MDFIC2: variants seen among roughly 807,000 people sequenced by gnomAD.
MDFIC2 encodes the protein MyoD family inhibitor domain containing 2.
At chr3:70,237,277 A>G (rs1371645194) in intron 2 of MDFIC2, among the ~76,000 whole-genome samples, 2 of 152,230 alleles carry the variant, frequency 1.3e-5, no homozygotes. Context: ...CATATTCTCC[A>G]GTGCGGATAC....
chr3:70,281,568 AAAAC>A lies in MDFIC2; in HGVS notation c.88+30314_88+30317del, dbSNP rs1296353306. Among the ~76,000 whole-genome samples, 4 of 152,162 alleles carry A rather than the reference AAAAC, an allele frequency of 2.6e-5. No homozygotes were observed. In the East Asian group the frequency reaches 5.8e-4, roughly 22 times the overall value. ...AGTGTCTAGCACAGGGTAAAAGCTCAAAACAAACAAACAAATTGCTCTAGTTATG... is the reference window on the plus strand; with the variant it reads ...AGTGTCTAGCACAGGGTAAAAGCTCAAAACAAACAAATTGCTCTAGTTATG... On this transcript the variant is annotated intron_variant, in intron 2 of 3. Coordinates refer to ENST00000567252, the MANE Select transcript of MDFIC2 (RefSeq NM_001364677.1).
chr3:70,217,128 A>G (rs1239011610), intron 2 of MDFIC2, among the ~76,000 whole-genome samples: 1 of 152,098 alleles, frequency 6.6e-6, no homozygotes, highest in Non-Finnish European at 1.5e-5. Context: ...AATGCTGCCT[A>G]ATGAAAGTTT....
chr3:70,210,591 A>G (rs1341552719), intron 2 of MDFIC2, among the ~76,000 whole-genome samples: 1 of 152,146 alleles, frequency 6.6e-6, no homozygotes, highest in African/African-American at 2.4e-5. Context: ...CATAAGCTCA[A>G]AGTAGAAACA....
At chr3:70,261,014 T>G (rs1701860617) in intron 2 of MDFIC2, among the ~76,000 whole-genome samples, 1 of 152,160 alleles carries the variant, frequency 6.6e-6, no homozygotes. Context: ...AAAATTCCGC[T>G]TGACATGAAA....
intron 2 of MDFIC2, among the ~76,000 whole-genome samples, chr3:70,232,270 C>T (rs1701566588): frequency 6.6e-6 from 1 of 152,202 alleles, no homozygotes; most frequent in Admixed American, 6.5e-5. Context: ...ATTATTACTA[C>T]TGTTATTATA....
chr3:70,282,889 C>G (rs1031778142), intron 2 of MDFIC2, among the ~76,000 whole-genome samples: 5 of 152,076 alleles, frequency 3.3e-5, no homozygotes, highest in Non-Finnish European at 7.4e-5. Context: ...ATGAATCTGC[C>G]AACATTCTCT....
chr3:70,243,933 G>T (rs778990253), intron 2 of MDFIC2, among the ~76,000 whole-genome samples: 1 of 152,120 alleles, frequency 6.6e-6, no homozygotes, highest in Non-Finnish European at 1.5e-5. Context: ...TAACAGAGGA[G>T]GTAAGGGTCA....
intron 3 of MDFIC2, among the ~76,000 whole-genome samples, chr3:70,197,389 C>T (rs1701193000): frequency 6.6e-6 from 1 of 152,198 alleles, no homozygotes; most frequent in South Asian, 2.1e-4. Flanking sequence ...TTATTAACTT[C>T]CTGAGCATTT....
At chr3:70,213,420 T>C (rs1253564487) in intron 2 of MDFIC2, among the ~76,000 whole-genome samples, 2 of 152,068 alleles carry the variant, frequency 1.3e-5, no homozygotes, top group Admixed American at 1.3e-4. Context: ...TTAAAATGAG[T>C]GTATATTTCA....
intron 2 of MDFIC2, among the ~76,000 whole-genome samples, chr3:70,279,760 AT>A (rs899451169): frequency 1.7e-4 from 26 of 152,284 alleles, no homozygotes; most frequent in Admixed American, 5.9e-4. Flanking sequence ...CATAAATGCC[AT>A]CCCTCTTTTC....
chr3:70,263,445 G>C (rs55758710), intron 2 of MDFIC2, among the ~76,000 whole-genome samples: 23,581 of 152,104 alleles, frequency 0.16, 1,865 homozygotes, highest in South Asian at 0.25. Flanking sequence ...TCCTTCTGCA[G>C]TTGTGACCCT....
chr3:70,241,316 G>T (rs1701666025), intron 2 of MDFIC2, among the ~76,000 whole-genome samples: 1 of 152,144 alleles, frequency 6.6e-6, no homozygotes, highest in South Asian at 2.1e-4. Context: ...TGATAAACAT[G>T]ATGAAGAATG....
At chr3:70,265,841 G>A (rs996934430) in intron 2 of MDFIC2, among the ~76,000 whole-genome samples, 15 of 152,122 alleles carry the variant, frequency 9.9e-5, no homozygotes, top group Non-Finnish European at 1.8e-4. Context: ...GCCAGCCGGG[G>A]AAATGCCAGA....
intron 2 of MDFIC2, among the ~76,000 whole-genome samples, chr3:70,211,061 C>T (rs1362310232): frequency 3.3e-5 from 5 of 152,158 alleles, no homozygotes; most frequent in African/African-American, 1.2e-4. Context: ...GTAATTTTTG[C>T]ATCCATGTTT....
At chr3:70,216,112 T>C (rs950738980) in intron 2 of MDFIC2, among the ~76,000 whole-genome samples, 1 of 151,806 alleles carries the variant, frequency 6.6e-6, no homozygotes, top group African/African-American at 2.4e-5. Context: ...AAATATCTGG[T>C]ATATGTGGAA....
At chr3:70,296,128 T>C (rs957466424) in intron 2 of MDFIC2, among the ~76,000 whole-genome samples, 4 of 152,158 alleles carry the variant, frequency 2.6e-5, no homozygotes, top group Non-Finnish European at 5.9e-5. Context: ...GAAAGCCTTT[T>C]TTATCAGTAC....
intron 2 of MDFIC2, among the ~76,000 whole-genome samples, chr3:70,250,802 G>A (rs2106651189): frequency 6.6e-6 from 1 of 152,202 alleles, no homozygotes; most frequent in Non-Finnish European, 1.5e-5. Flanking sequence ...ATAAACATAT[G>A]CATTTCTTCT....
chr3:70,211,369 TC>T (rs1465851567), intron 2 of MDFIC2, among the ~76,000 whole-genome samples: 1 of 3,682 alleles, frequency 2.7e-4, no homozygotes, highest in African/African-American at 3.5e-4. Flanking sequence ...CCTTTGCCCT[TC>T]CCTTCCCTTT....
intron 2 of MDFIC2, among the ~76,000 whole-genome samples, chr3:70,265,132 G>A (rs1701904238): frequency 6.6e-6 from 1 of 152,162 alleles, no homozygotes; most frequent in Non-Finnish European, 1.5e-5. Context: ...TGACATGTGG[G>A]AATTATGGGA....
Sources: gnomAD v4.1 joint callset for allele counts (sites outside exome capture counted in the v4.1 genomes callset) on GRCh38, gnomAD v4.1.1 for gene constraint, MANE v1.5 for transcripts, NCBI Gene and HGNC (gene_info 2026-07-23, HGNC 2026-07-21) for gene names.